Variants in LZTR1 observed in about 807,000 individuals in gnomAD.
LZTR1 encodes leucine-zipper-like transcriptional regulator 1.
Under a neutral mutation model 105.7 loss-of-function variants are expected in LZTR1, and 260 were observed. The observed-to-expected ratio is 2.46, with a 90% CI of 2.22 to 2.72. LZTR1 has a LOEUF of 2.72. LZTR1 is among the 30% of genes most tolerant of loss of function. The probability of loss-of-function intolerance (pLI) is 0.00; values close to 1 mark genes in which losing one functional copy is unlikely to be tolerated. For synonymous variants in LZTR1, 490 were observed against 476.4 expected (o/e 1.03, Z -0.37); for missense variants, 1,214 against 1,166.9 (o/e 1.04, Z -0.59).
intron 15 of LZTR1, 38 bp from the exon 16 acceptor site, chr22:20,994,832 C>A: frequency 6.2e-7 from 1 of 1,611,392 alleles, no homozygotes; most frequent in Non-Finnish European, 8.5e-7. Context: ...GGGGCCCTGG[C>A]TTGACTCTGC....
chr22:20,988,173 C>T, intron 5 of LZTR1, 55 bp downstream of exon 5: 1 of 1,167,604 alleles, frequency 8.6e-7, no homozygotes, highest in Non-Finnish European at 1.3e-6. Context: ...TGGCATTGGA[C>T]CTGGGATCTG....
rs200806641 is a variant in LZTR1 at position 20,988,097 on chromosome 22, C to T, written c.488C>T (p.Thr163Met). 2.7e-4 allele frequency: 437 copies of T among 1,610,668 alleles called. 1 individual carries two copies. Among genetic ancestry groups the T allele is most frequent in the Non-Finnish European group, 3.5e-4 (407 of 1,177,090 alleles). Residue 163 changes from threonine (T) to methionine (M), a missense_variant, in exon 5 of 21, where the codon ACG (threonine) becomes ATG (methionine). By Grantham distance (81) the Thr-to-Met change is moderately conservative. Transcript: ENST00000646124. ...TACAAGTTTGCAACTGGCCAGTGGA[C>T]GGAGTGGAAAATTGAAGGACGGTGA... is the stretch of plus-strand genomic sequence containing the variant. ...FEYKFATGQW[T>M]EWKIEGRLPV...
In LZTR1 at chr22:20,996,075, T is replaced by C. The variant is rs1376063242; in HGVS notation, c.2182T>C (p.Tyr728His). The change falls in exon 18 of 21, where the codon TAC becomes CAC. Residue 728 changes from tyrosine (Y) to histidine (H), a missense_variant. Physicochemically the swap from Tyr to His is moderately conservative, Grantham distance 83 (BLOSUM62 2). Transcript: ENST00000646124. ...CTTCGAGTCCATGCTGCGCTACATCTACTACGGCGAGGTCAACATGCCGCC... is the reference window on the plus strand; with the variant it reads ...CTTCGAGTCCATGCTGCGCTACATCCACTACGGCGAGGTCAACATGCCGCC... Reference protein sequence around the residue: ...QAFESMLRYIYYGEVNMPPED... With the variant: ...QAFESMLRYIHYGEVNMPPED... The C allele has an allele frequency of 1.9e-6, 3 of 1,613,110 alleles. No homozygotes were observed. The highest frequency in any genetic ancestry group is 2.5e-6 in the Non-Finnish European group (3 of 1,179,990).
At chr22:20,996,168 C>T (rs1924839530) in intron 18 of LZTR1, 56 bp downstream of exon 18, 3 of 1,583,552 alleles carry the variant, frequency 1.9e-6, no homozygotes, top group Non-Finnish European at 2.6e-6. Flanking sequence ...CTGGCACCCA[C>T]CTCAGGTGGC....
At chr22:20,987,636 C>G (rs1805502514) in intron 4 of LZTR1, 53 bp downstream of exon 4, 3 of 1,495,404 alleles carry the variant, frequency 2.0e-6, no homozygotes, top group South Asian at 2.3e-5. Flanking sequence ...CCCACAGACA[C>G]CCTGCCCTTC....
At chr22:20,986,009 C>A in intron 3 of LZTR1, 112 bp downstream of exon 3, 2 of 1,176,306 alleles carry the variant, frequency 1.7e-6, no homozygotes, top group Non-Finnish European at 1.2e-6. Context: ...TAGAAAGAAG[C>A]TTCCAGGAGG....
chr22:20,984,662 T>G (rs1444161223), intron 2 of LZTR1, among the ~76,000 whole-genome samples: 1 of 151,364 alleles, frequency 6.6e-6, no homozygotes, highest in Non-Finnish European at 1.5e-5. Context: ...GGCTCCTGGC[T>G]TCCTGGCTGC....
rs368158143 is a variant in LZTR1, at chr22:20,987,570, C to T, written c.387C>T (p.Ser129=). ...ACTCGGCCGTCGTCTATGGGAGCAG[C>T]ATGTTTGTCTTTGGTAAGCAGCCTC... is the stretch of plus-strand genomic sequence containing the variant. ...YHHSAVVYGS[S]MFVFGGYTGD... is the part of the protein sequence containing the mutation. Residue 129 remains serine (S), a synonymous_variant, in exon 4 of 21, where the codon AGC becomes AGT. Coordinates refer to ENST00000646124, the MANE Select transcript of LZTR1 (RefSeq NM_006767.4). 2.2e-5 allele frequency: 35 copies of T among 1,614,012 alleles called. No homozygotes were observed. Among genetic ancestry groups the T allele is most frequent in the Non-Finnish European group, 2.7e-5 (32 of 1,180,022 alleles).
rs774010552 is a variant in LZTR1, at chr22:20,983,076, G to A, written c.250G>A (p.Gly84Ser). The change falls in exon 2 of 21, where the codon GGT (glycine) becomes AGT (serine). Residue 84 changes from glycine (G) to serine (S), a missense_variant. Gly to Ser is a moderately conservative substitution (Grantham distance 56). Transcript: ENST00000646124. ...VAYKDAIYVFGGDNGKTMLND... is the reference protein window; with the variant it reads ...VAYKDAIYVFSGDNGKTMLND... ...CTATAAAGATGCCATTTATGTATTTGGTGGAGACAATGGGTGAGTGAGTCT... is the reference window on the plus strand; with the variant it reads ...CTATAAAGATGCCATTTATGTATTTAGTGGAGACAATGGGTGAGTGAGTCT... The A allele has an allele frequency of 1.2e-6, 2 of 1,614,070 alleles. No homozygotes were observed. Among genetic ancestry groups the A allele is most frequent in the Non-Finnish European group, 1.7e-6 (2 of 1,179,900 alleles).
In LZTR1 at chr22:20,988,019, C is replaced by CT; in HGVS notation, c.411dup (p.Gly138TrpfsTer8). 1 of 1,601,420 alleles carries CT rather than the reference C, an allele frequency of 6.2e-7. No individual in the cohort carries two copies. Among genetic ancestry groups the CT allele is most frequent in the Non-Finnish European group, 8.6e-7 (1 of 1,168,570 alleles). The stretch of plus-strand genomic sequence containing the variant: ...CACTCTCTTTACTCAGGGGGTTACA[C>CT]TGGGGACATTTATTCCAATTCTAAC... On this transcript the variant is annotated frameshift_variant, in exon 5 of 21. Coordinates refer to ENST00000646124, the MANE Select transcript of LZTR1 (RefSeq NM_006767.4). LOFTEE classifies it high-confidence loss of function.
At chr22:20,995,605 C>A (rs1924805945) in intron 16 of LZTR1, 141 bp from the exon 17 acceptor site, 2 of 1,024,248 alleles carry the variant, frequency 2.0e-6, no homozygotes. Context: ...GCTGATGGTA[C>A]CTCAGGGCGA....
chr22:20,982,624 C>A, intron 1 of LZTR1, 53 bp downstream of exon 1: 1 of 1,568,588 alleles, frequency 6.4e-7, no homozygotes, highest in Non-Finnish European at 8.7e-7. Context: ...CTGCGAGGGT[C>A]CCAGGGCGGG....
In LZTR1 at chr22:20,996,076, A is replaced by T; in HGVS notation, c.2183A>T (p.Tyr728Phe). The T allele has an allele frequency of 6.2e-7, 1 of 1,613,216 alleles. No individual in the cohort carries two copies. Among genetic ancestry groups the T allele is most frequent in the Non-Finnish European group, 8.5e-7 (1 of 1,179,968 alleles). ...TTCGAGTCCATGCTGCGCTACATCT[A>T]CTACGGCGAGGTCAACATGCCGCCC... ...QAFESMLRYI[Y>F]YGEVNMPPED... Residue 728 changes from tyrosine to phenylalanine, a missense_variant, in exon 18 of 21, where the codon TAC (tyrosine) becomes TTC (phenylalanine). Transcript: ENST00000646124.
At position 20,996,028 on chromosome 22, in the gene LZTR1, A is replaced by G; in HGVS notation, c.2135A>G (p.Glu712Gly). The G allele has an allele frequency of 6.2e-7, 1 of 1,613,566 alleles. No individual in the cohort carries two copies. The highest frequency in any genetic ancestry group is 8.5e-7 in the Non-Finnish European group (1 of 1,179,998). ...GGGCAGGTGAACATCTCCATCGGGG[A>G]GATGGTGCCCAGCAGGCAGGCCTTC... ...EDGQVNISIGEMVPSRQAFES... is the reference protein window; with the variant it reads ...EDGQVNISIGGMVPSRQAFES... The change falls in exon 18 of 21, where the codon GAG becomes GGG. Residue 712 changes from glutamate (E) to glycine (G), a missense_variant. Coordinates refer to ENST00000646124, the MANE Select transcript of LZTR1 (RefSeq NM_006767.4).
In LZTR1 at chr22:20,992,386, T is replaced by TA; in HGVS notation, c.1149+17_1149+18insA. Reference sequence around the variant, plus strand: ...GCCTCGGAGGTACAGGCTGGGATCCTCATTAAGACTCCATCACCCCCTGAA... The same window carrying TA: ...GCCTCGGAGGTACAGGCTGGGATCCTACATTAAGACTCCATCACCCCCTGAA... On this transcript the variant is annotated intron_variant, in intron 10 of 20. Coordinates refer to ENST00000646124, the MANE Select transcript of LZTR1 (RefSeq NM_006767.4). 6.2e-7 allele frequency: 1 copy of TA among 1,606,618 alleles called. No homozygotes were observed. Among genetic ancestry groups the TA allele is most frequent in the Non-Finnish European group, 8.5e-7 (1 of 1,176,394 alleles).
chr22:20,988,222 C>T, intron 5 of LZTR1, 104 bp downstream of exon 5: 1 of 704,000 alleles, frequency 1.4e-6, no homozygotes, highest in South Asian at 1.7e-5. Context: ...TGAGGGCACG[C>T]AATAGCAGGG....
Position 20,993,708 on chromosome 22 carries a change from T to G in LZTR1, c.1307T>G (p.Leu436Arg). ...KCTLHEDYGR[L>R]WESRQFCDVE... ...ACGCTGCACGAGGACTACGGGCGGC[T>G]GTGGGAGAGCCGCCAGTTCTGCGAC... is the stretch of plus-strand genomic sequence containing the variant. The change falls in exon 12 of 21, where the codon CTG becomes CGG. Residue 436 changes from leucine to arginine, a missense_variant. Transcript: ENST00000646124. The G allele has an allele frequency of 6.2e-7, 1 of 1,613,492 alleles. No homozygotes were observed. Among genetic ancestry groups the G allele is most frequent in the Non-Finnish European group, 8.5e-7 (1 of 1,179,938 alleles).
intron 7 of LZTR1, 97 bp from the exon 8 acceptor site, chr22:20,990,289 T>C: frequency 7.2e-7 from 1 of 1,397,472 alleles, no homozygotes; most frequent in South Asian, 1.2e-5. Flanking sequence ...TGGGGAAGTT[T>C]CAAGAATAAA....
chr22:20,983,196 C>A, intron 2 of LZTR1, 107 bp downstream of exon 2: 1 of 966,020 alleles, frequency 1.0e-6, no homozygotes, highest in Non-Finnish European at 1.7e-6. Flanking sequence ...CTAGCTGGTG[C>A]CTCTAAGCTT....
Sources: allele counts gnomAD v4.1 joint callset (sites outside exome capture counted in the v4.1 genomes callset), GRCh38; gene constraint gnomAD v4.1.1; transcripts MANE v1.5; gene names NCBI Gene and HGNC (gene_info 2026-07-23, HGNC 2026-07-21).